Variants in KLHL8 observed in about 807,000 individuals in gnomAD.
The protein encoded by KLHL8 is kelch like family member 8, also known as kelch-like protein 8.
In KLHL8, 38 loss-of-function variants were observed where a neutral mutation model predicts 63.5. The ratio of observed to expected loss-of-function variants is 0.60; its 90% confidence interval spans 0.46 to 0.78. The LOEUF is 0.78. Among genes scored for constraint, KLHL8 ranks in the 30% least tolerant of loss-of-function variants. The pLI is 0.00. For missense variants in KLHL8, 566 were observed against 752.4 expected (o/e 0.75, Z 2.90); for synonymous variants, 224 against 254.3 (o/e 0.88, Z 1.13).
At chr4:87,193,508 T>C (rs1416639352) in intron 2 of KLHL8, among the ~76,000 whole-genome samples, 1 of 152,162 alleles carries the variant, frequency 6.6e-6, no homozygotes, top group East Asian at 1.9e-4. Flanking sequence ...TTATTAAGAA[T>C]CAACTTTCTG....
chr4:87,209,179 C>A (rs1297658403), intron 1 of KLHL8, among the ~76,000 whole-genome samples: 1 of 131,732 alleles, frequency 7.6e-6, no homozygotes, highest in African/African-American at 2.6e-5. Context: ...TTAAAACAAT[C>A]AGAATTTTTT....
At chr4:87,168,712 ATATATATACG>A (rs1470512062) in intron 8 of KLHL8, among the ~76,000 whole-genome samples, 1 of 143,308 alleles carries the variant, frequency 7.0e-6, no homozygotes, top group African/African-American at 2.6e-5. Context: ...ATATATGTGT[ATATATATACG>A]TATATATATG....
rs189331725 is a variant in KLHL8, at chr4:87,163,505, G to A, written c.*14C>T. ...TATCAGATATGACTAAATTGTTGGT[G>A]GCCAGAACTCAAATCACATACAGTC... On this transcript the variant is annotated 3_prime_UTR_variant, in exon 10 of 10. Coordinates refer to ENST00000273963, the MANE Select transcript of KLHL8 (RefSeq NM_020803.5). The A allele has an allele frequency of 3.1e-6, 5 of 1,613,426 alleles. No homozygotes were observed. In the East Asian group the frequency reaches 6.7e-5, roughly 22 times the overall value.
At chr4:87,200,865 A>C (rs1287914700) in intron 1 of KLHL8, among the ~76,000 whole-genome samples, 1 of 152,250 alleles carries the variant, frequency 6.6e-6, no homozygotes, top group Non-Finnish European at 1.5e-5. Flanking sequence ...ATTATTTACA[A>C]CAACCAAGAG....
At chr4:87,216,624 G>A (rs150782407) in intron 1 of KLHL8, among the ~76,000 whole-genome samples, 9 of 152,248 alleles carry the variant, frequency 5.9e-5, no homozygotes, top group African/African-American at 9.6e-5. Context: ...GAGAGATGAA[G>A]TAGAAAATTT....
In KLHL8 at chr4:87,163,937, A is replaced by C. The variant is rs761759482; in HGVS notation, c.1680T>G (p.Gly560=). 3.7e-6 allele frequency: 6 copies of C among 1,614,190 alleles called. No homozygotes were observed. The Admixed American group carries it at 6.7e-5, about 18-fold the overall frequency. ...ATVMGKIFAV[G]GHNGNAYLNT... is the part of the protein sequence containing the mutation. ...TTAAGTATGCATTGCCATTATGACCACCAACTGCAAAGATTTTGCCCATCA... is the reference window on the plus strand; with the variant it reads ...TTAAGTATGCATTGCCATTATGACCCCCAACTGCAAAGATTTTGCCCATCA... Residue 560 remains glycine (G), a synonymous_variant, in exon 9 of 10, where the codon GGT becomes GGG. Coordinates refer to ENST00000273963, the MANE Select transcript of KLHL8 (RefSeq NM_020803.5).
At chr4:87,169,372 T>C (rs1257670010) in intron 8 of KLHL8, among the ~76,000 whole-genome samples, 4 of 152,164 alleles carry the variant, frequency 2.6e-5, no homozygotes, top group African/African-American at 9.7e-5. Flanking sequence ...TGAAATGAGG[T>C]TGAGAAAAAC....
intron 1 of KLHL8, among the ~76,000 whole-genome samples, chr4:87,201,011 C>G (rs1250889672): frequency 6.6e-6 from 1 of 152,102 alleles, no homozygotes; most frequent in Non-Finnish European, 1.5e-5. Flanking sequence ...ATCTTAAGGA[C>G]ATTATACAAA....
intron 1 of KLHL8, among the ~76,000 whole-genome samples, chr4:87,218,651 T>C (rs1304861688): frequency 1.3e-5 from 2 of 152,248 alleles, no homozygotes; most frequent in African/African-American, 2.4e-5. Context: ...AGTAATCTTA[T>C]CAAATGCTAA....
chr4:87,224,251 C>T (rs1175861628), upstream of KLHL8, among the ~76,000 whole-genome samples: 1 of 152,100 alleles, frequency 6.6e-6, no homozygotes, highest in Non-Finnish European at 1.5e-5. Flanking sequence ...CGCCGGCCAA[C>T]ATTTGCATTT....
chr4:87,234,467 G>GA (rs1394577466), intron 1 of KLHL8, among the ~76,000 whole-genome samples: 2 of 151,384 alleles, frequency 1.3e-5, no homozygotes, highest in Admixed American at 6.6e-5. Flanking sequence ...TAGTGGAGCT[G>GA]AAAAATTCCT....
intron 1 of KLHL8, among the ~76,000 whole-genome samples, chr4:87,211,580 C>T (rs1196839638): frequency 6.6e-6 from 1 of 152,030 alleles, no homozygotes; most frequent in Non-Finnish European, 1.5e-5. Flanking sequence ...TCACTTGAGC[C>T]CAGGAGTTTG....
intron 5 of KLHL8, among the ~76,000 whole-genome samples, chr4:87,177,456 G>A (rs1275952886): frequency 6.6e-6 from 1 of 151,850 alleles, no homozygotes; most frequent in Non-Finnish European, 1.5e-5. Context: ...GTGAGCTGAG[G>A]TCGCACCACT....
chr4:87,218,196 GA>G (rs1732672801), intron 1 of KLHL8, among the ~76,000 whole-genome samples: 1 of 151,166 alleles, frequency 6.6e-6, no homozygotes, highest in Non-Finnish European at 1.5e-5. Flanking sequence ...CTCTAAAAAA[GA>G]AAATTCATTT....
intron 1 of KLHL8, among the ~76,000 whole-genome samples, chr4:87,198,012 TA>T (rs3036206): frequency 0.17 from 23,598 of 136,556 alleles, 2,161 homozygotes; most frequent in South Asian, 0.27. Context: ...CTTTAATTAT[TA>T]AAAAAAAAAA....
chr4:87,239,376 G>A (rs186023288), intron 1 of KLHL8, among the ~76,000 whole-genome samples: 9 of 152,324 alleles, frequency 5.9e-5, no homozygotes, highest in African/African-American at 2.2e-4. Context: ...CAGTGCGCCT[G>A]TTAAGAATCT....
intron 1 of KLHL8, among the ~76,000 whole-genome samples, chr4:87,210,263 C>T (rs550543938): frequency 1.3e-5 from 2 of 152,176 alleles, no homozygotes; most frequent in South Asian, 2.1e-4. Flanking sequence ...GGGCGGATCA[C>T]GAGGTCAGGA....
chr4:87,195,234 A>C, intron 2 of KLHL8, 90 bp downstream of exon 2: 1 of 950,208 alleles, frequency 1.1e-6, no homozygotes, highest in African/African-American at 1.7e-5. Flanking sequence ...TATGTATAGC[A>C]ACAAAATTTG....
At chr4:87,186,079 C>T (rs150069277) in intron 2 of KLHL8, among the ~76,000 whole-genome samples, 25 of 152,066 alleles carry the variant, frequency 1.6e-4, no homozygotes, top group African/African-American at 5.1e-4. Context: ...TGCTCTGTTG[C>T]CCAGGCTGGA....
Sources: gnomAD v4.1 joint callset for allele counts (sites outside exome capture counted in the v4.1 genomes callset) on GRCh38, gnomAD v4.1.1 for gene constraint, MANE v1.5 for transcripts, NCBI Gene and HGNC (gene_info 2026-07-23, HGNC 2026-07-21) for gene names.